LMO7: variants seen among roughly 807,000 people sequenced by gnomAD.
The protein encoded by LMO7 is LIM domain 7, also known as LIM domain only protein 7.
In LMO7, 120 loss-of-function variants were observed where a neutral mutation model predicts 206.5. That is an observed-to-expected ratio of 0.58 (90% CI 0.50 to 0.68). The LOEUF (loss-of-function observed/expected upper bound fraction) is 0.68, where lower values mean the gene tolerates loss of function less well. Ranked by LOEUF, LMO7 falls within the 30% of genes least tolerant of loss-of-function variation. The pLI, the probability that LMO7 is intolerant of heterozygous loss-of-function variation, is 0.00. For missense variants in LMO7, 1,959 were observed against 1,957.9 expected (o/e 1.00, Z -0.01); for synonymous variants, 706 against 681.5 (o/e 1.04, Z -0.56).
chr13:75,809,557 C>A (rs2056024704), intron 11 of LMO7, among the ~76,000 whole-genome samples: 1 of 152,144 alleles, frequency 6.6e-6, no homozygotes, highest in Non-Finnish European at 1.5e-5. Flanking sequence ...CAAATTACTA[C>A]ATTTTAGAAA....
intron 1 of LMO7, among the ~76,000 whole-genome samples, chr13:75,677,764 G>A (rs1353033830): frequency 2.2e-4 from 33 of 150,274 alleles, no homozygotes; most frequent in African/African-American, 7.3e-4. Context: ...TTAACATTAG[G>A]TATATCTCCT....
chr13:75,700,770 G>A (rs949600525), intron 1 of LMO7, among the ~76,000 whole-genome samples: 3 of 152,232 alleles, frequency 2.0e-5, no homozygotes, highest in Non-Finnish European at 4.4e-5. Flanking sequence ...CAAAGGGACA[G>A]TTCACAGAGG....
intron 4 of LMO7, among the ~76,000 whole-genome samples, chr13:75,794,327 T>C (rs562003421): frequency 7.6e-4 from 115 of 152,084 alleles, no homozygotes; most frequent in African/African-American, 2.8e-3. Flanking sequence ...TTTTGGGAGG[T>C]GGGTAAGAGG....
chr13:75,846,156 A>T, intron 26 of LMO7, among the ~76,000 whole-genome samples: 1 of 152,064 alleles, frequency 6.6e-6, no homozygotes, highest in East Asian at 1.9e-4. Context: ...CTGACAAGAG[A>T]TTTTTTTAAA....
intron 14 of LMO7, among the ~76,000 whole-genome samples, chr13:75,821,994 G>C (rs544354153): frequency 2.0e-5 from 3 of 151,704 alleles, no homozygotes; most frequent in Non-Finnish European, 4.4e-5. Flanking sequence ...GTTTAGCCTA[G>C]AGATTTTCAG....
At position 75,853,238 on chromosome 13, in the gene LMO7, G is replaced by A. The variant is rs770966693; in HGVS notation, c.4511G>A (p.Arg1504His). Residue 1504 changes from arginine to histidine, a missense_variant, in exon 28 of 31, where the codon CGT becomes CAT. Physicochemically the swap from Arg to His is conservative, Grantham distance 29. Transcript: ENST00000377534. The part of the protein sequence containing the change: ...PPPQLVSTSN[R>H]AYMRNPSSSV... ...CCTCAGCTGGTGTCCACATCAAACC[G>A]TGCCTACATGCGGAACCCCTCCTCC... The A allele has an allele frequency of 9.9e-6, 16 of 1,613,892 alleles. No individual in the cohort carries two copies. In the Admixed American group the frequency reaches 1.2e-4, roughly 12 times the overall value.
chr13:75,643,792 G>A (rs1355030445), intron 1 of LMO7, among the ~76,000 whole-genome samples: 1 of 152,182 alleles, frequency 6.6e-6, no homozygotes, highest in Non-Finnish European at 1.5e-5. Context: ...TTCTACTCTG[G>A]TGAATTACAG....
At chr13:75,768,987 A>G (rs748468618) in intron 4 of LMO7, among the ~76,000 whole-genome samples, 3 of 152,132 alleles carry the variant, frequency 2.0e-5, no homozygotes, top group Non-Finnish European at 4.4e-5. Flanking sequence ...AAATAGCAAT[A>G]GGTACTGTTT....
At chr13:75,661,361 C>G (rs528833915) in intron 1 of LMO7, among the ~76,000 whole-genome samples, 3 of 152,336 alleles carry the variant, frequency 2.0e-5, no homozygotes, top group African/African-American at 7.2e-5. Flanking sequence ...AAATTCACAT[C>G]TATGAAAATG....
intron 27 of LMO7, among the ~76,000 whole-genome samples, chr13:75,851,855 A>G (rs1426905205): frequency 6.6e-6 from 1 of 152,200 alleles, no homozygotes; most frequent in Non-Finnish European, 1.5e-5. Flanking sequence ...TACATAAATG[A>G]GACCTTCACA....
intron 3 of LMO7, among the ~76,000 whole-genome samples, chr13:75,732,422 C>T (rs1026875903): frequency 1.3e-5 from 2 of 152,194 alleles, no homozygotes; most frequent in Non-Finnish European, 2.9e-5. Flanking sequence ...CGCATCAGCT[C>T]CTGAGGCTTC....
upstream of LMO7, among the ~76,000 whole-genome samples, chr13:75,633,872 G>A (rs1426501010): frequency 4.7e-5 from 6 of 126,768 alleles, no homozygotes; most frequent in Admixed American, 8.7e-5. Flanking sequence ...TTTTTGAGAC[G>A]GAGTCTCGCT....
chr13:75,835,159 C>T lies in LMO7; in HGVS notation c.3227-74C>T, dbSNP rs75589461. ...TCTTCATGTGCCAATCAGACTGGGG[C>T]AAAGACCAACCTTCCCTGCCATTTA... On this transcript the variant is annotated intron_variant, in intron 17 of 30. Coordinates refer to ENST00000377534, the MANE Select transcript of LMO7 (RefSeq NM_001306080.2). The T allele has an allele frequency of 1.9e-4, 294 of 1,587,898 alleles. No individual in the cohort carries two copies. In the African/African-American group the frequency reaches 3.6e-3, roughly 20 times the overall value.
chr13:75,669,620 C>T (rs1297967549), intron 1 of LMO7, among the ~76,000 whole-genome samples: 1 of 152,168 alleles, frequency 6.6e-6, no homozygotes, highest in Non-Finnish European at 1.5e-5. Flanking sequence ...TCATCTGTTG[C>T]AGGCCACTTG....
intron 1 of LMO7, among the ~76,000 whole-genome samples, chr13:75,668,537 A>G (rs989236355): frequency 6.6e-6 from 1 of 152,194 alleles, no homozygotes; most frequent in Non-Finnish European, 1.5e-5. Context: ...CTTAACATGC[A>G]CAGACCAGGG....
rs760816531 is a variant in LMO7 at position 75,808,211 on chromosome 13, T to C, written c.1916+12T>C. On this transcript the variant is annotated intron_variant, in intron 10 of 30. Transcript: ENST00000377534. The stretch of plus-strand genomic sequence containing the variant: ...CTGATGGTGGAGAGGTCAGAGTGTG[T>C]TTCTGCAAGGATTTTGCTTGTAATG... 12 of 1,589,214 alleles carry C rather than the reference T, an allele frequency of 7.6e-6. No individual in the cohort carries two copies. In the African/African-American group the frequency reaches 9.5e-5, roughly 13 times the overall value.
intron 1 of LMO7, among the ~76,000 whole-genome samples, chr13:75,660,526 CT>C (rs1302239007): frequency 1.3e-5 from 2 of 152,180 alleles, no homozygotes; most frequent in Non-Finnish European, 2.9e-5. Flanking sequence ...CATTTTCCAA[CT>C]TCTTGATTGG....
At chr13:75,784,472 C>T (rs937080723) in intron 4 of LMO7, among the ~76,000 whole-genome samples, 4 of 152,054 alleles carry the variant, frequency 2.6e-5, no homozygotes, top group African/African-American at 9.7e-5. Flanking sequence ...CACTTATAGG[C>T]AGGGTAGAAT....
chr13:75,776,190 T>TATATATATATATATA (rs2050452885), intron 4 of LMO7, among the ~76,000 whole-genome samples: 1 of 101,586 alleles, frequency 9.8e-6, no homozygotes, highest in Non-Finnish European at 2.1e-5. Flanking sequence ...TATATATATA[T>TATATATATATATATA]ATATATATAT....
Sources: allele counts gnomAD v4.1 joint callset (sites outside exome capture counted in the v4.1 genomes callset), GRCh38; gene constraint gnomAD v4.1.1; transcripts MANE v1.5; gene names NCBI Gene and HGNC (gene_info 2026-07-23, HGNC 2026-07-21).